The following PCDH15 variants were observed in gnomAD, a reference collection of about 807,000 sequenced individuals.
PCDH15 encodes protocadherin related 15, also known as protocadherin-15.
Under a neutral mutation model 178.5 loss-of-function variants are expected in PCDH15, and 129 were observed. The ratio of observed to expected loss-of-function variants is 0.72; its 90% confidence interval spans 0.63 to 0.84. The LOEUF (loss-of-function observed/expected upper bound fraction) is 0.84. Among genes scored for constraint, PCDH15 ranks in the 40% least tolerant of loss-of-function variants. PCDH15 has a pLI of 0.00. For synonymous variants in PCDH15, 800 were observed against 732.0 expected, an observed-to-expected ratio of 1.09 and a Z score of -1.50; for missense variants, 2,230 against 2,099.9, an observed-to-expected ratio of 1.06 and a Z score of -1.21.
At chr10:54,603,018 T>G (rs752717050) in intron 2 of PCDH15, among the ~76,000 whole-genome samples, 14 of 152,142 alleles carry the variant, frequency 9.2e-5, no homozygotes, top group Non-Finnish European at 2.1e-4. Flanking sequence ...TCAAATAGTT[T>G]AAGAAATATT....
At chr10:54,714,164 T>C (rs1424817320) in intron 1 of PCDH15, among the ~76,000 whole-genome samples, 1 of 152,136 alleles carries the variant, frequency 6.6e-6, no homozygotes, top group South Asian at 2.1e-4. Flanking sequence ...CAGACTAAAG[T>C]GGGACACTGA....
At chr10:55,341,813 T>A (rs1311358588) in intron 2 of PCDH15, among the ~76,000 whole-genome samples, 37 of 24,756 alleles carry the variant, frequency 1.5e-3, no homozygotes, top group South Asian at 2.3e-3. Context: ...ATATTTTTTT[T>A]TTTTTTTTTT....
chr10:55,125,946 G>A (rs1591922176), intron 2 of PCDH15, among the ~76,000 whole-genome samples: 2 of 152,056 alleles, frequency 1.3e-5, no homozygotes, highest in East Asian at 3.9e-4. Flanking sequence ...CTAATCAGCT[G>A]ACCCAAGTCT....
chr10:54,512,326 T>C (rs2081762204), intron 3 of PCDH15, among the ~76,000 whole-genome samples: 1 of 150,970 alleles, frequency 6.6e-6, no homozygotes, highest in Non-Finnish European at 1.5e-5. Context: ...AAAACTCTAT[T>C]GATTTTTGAA....
chr10:55,560,910 G>T (rs1842184510), intron 2 of PCDH15, among the ~76,000 whole-genome samples: 1 of 151,738 alleles, frequency 6.6e-6, no homozygotes, highest in African/African-American at 2.4e-5. Flanking sequence ...AGTAACTTTT[G>T]TTGCAAAAAT....
At chr10:54,569,557 G>T (rs1937420) in intron 2 of PCDH15, among the ~76,000 whole-genome samples, 1 of 152,086 alleles carries the variant, frequency 6.6e-6, no homozygotes, top group Non-Finnish European at 1.5e-5. Flanking sequence ...GGAAGTTGGT[G>T]TTGGGATAAG....
intron 20 of PCDH15, among the ~76,000 whole-genome samples, chr10:54,010,335 C>A (rs536600629): frequency 1.2e-3 from 178 of 152,170 alleles, no homozygotes; most frequent in African/African-American, 4.0e-3. Flanking sequence ...TCGGCAACCC[C>A]CGACCTGGGC....
At chr10:55,268,657 A>G (rs1842361980) in intron 1 of PCDH15, among the ~76,000 whole-genome samples, 1 of 152,186 alleles carries the variant, frequency 6.6e-6, no homozygotes, top group Non-Finnish European at 1.5e-5. Flanking sequence ...AATTTTTAAT[A>G]TAAAAAACTA....
intron 2 of PCDH15, among the ~76,000 whole-genome samples, chr10:55,113,660 T>C (rs1837563353): frequency 6.6e-6 from 1 of 152,184 alleles, no homozygotes; most frequent in African/African-American, 2.4e-5. Context: ...TATGCATGCT[T>C]AGAAATTCCA....
At chr10:54,238,190 T>C (rs2054826626) in intron 8 of PCDH15, among the ~76,000 whole-genome samples, 1 of 152,126 alleles carries the variant, frequency 6.6e-6, no homozygotes, top group Non-Finnish European at 1.5e-5. Flanking sequence ...CCTTACATTC[T>C]AAAAAATTAC....
chr10:54,853,356 T>TAC (rs1174675463), intron 3 of PCDH15, among the ~76,000 whole-genome samples: 5 of 128,502 alleles, frequency 3.9e-5, no homozygotes, highest in Non-Finnish European at 4.7e-5. Flanking sequence ...CATATATATA[T>TAC]ACACACACAC....
At chr10:55,383,396 G>T (rs1029428064) in intron 2 of PCDH15, among the ~76,000 whole-genome samples, 2 of 152,014 alleles carry the variant, frequency 1.3e-5, no homozygotes, top group African/African-American at 2.4e-5. Context: ...GGCGGGCTGG[G>T]GTGGTTTTGG....
chr10:55,368,847 C>G (rs1231221331), intron 2 of PCDH15, among the ~76,000 whole-genome samples: 1 of 151,826 alleles, frequency 6.6e-6, no homozygotes, highest in Non-Finnish European at 1.5e-5. Flanking sequence ...TATATGTAAG[C>G]AGAAAACTAC....
At chr10:55,252,823 A>C (rs532897662) in intron 1 of PCDH15, among the ~76,000 whole-genome samples, 33 of 152,272 alleles carry the variant, frequency 2.2e-4, no homozygotes, top group Non-Finnish European at 4.3e-4. Context: ...ACACACATTT[A>C]AACTAGAAGA....
At chr10:54,633,550 G>A (rs1378171983) in intron 2 of PCDH15, among the ~76,000 whole-genome samples, 1 of 152,062 alleles carries the variant, frequency 6.6e-6, no homozygotes, top group African/African-American at 2.4e-5. Flanking sequence ...TAGGTTCAAG[G>A]AGGAGACAGG....
upstream of PCDH15, among the ~76,000 whole-genome samples, chr10:54,804,069 T>C (rs984208494): frequency 7.2e-5 from 11 of 152,144 alleles, no homozygotes; most frequent in Non-Finnish European, 1.6e-4. Flanking sequence ...AGATGGAGTC[T>C]TGCTCTTTCG....
At chr10:54,557,523 T>C (rs1315846136) in intron 2 of PCDH15, among the ~76,000 whole-genome samples, 1 of 152,278 alleles carries the variant, frequency 6.6e-6, no homozygotes, top group African/African-American at 2.4e-5. Flanking sequence ...TAATTCTGAA[T>C]AGTTTTCTCC....
At chr10:55,426,289 G>T (rs973566426) in intron 2 of PCDH15, among the ~76,000 whole-genome samples, 5 of 152,136 alleles carry the variant, frequency 3.3e-5, no homozygotes, top group Non-Finnish European at 7.4e-5. Flanking sequence ...CTCGCAGGAG[G>T]GAGTGCCTGA....
intron 2 of PCDH15, among the ~76,000 whole-genome samples, chr10:55,419,208 C>T (rs748109023): frequency 6.6e-6 from 1 of 151,618 alleles, no homozygotes; most frequent in Non-Finnish European, 1.5e-5. Flanking sequence ...GCCAGTTTGA[C>T]GGAGCTGAAG....
Sources: gnomAD v4.1 joint callset for allele counts (sites outside exome capture counted in the v4.1 genomes callset) on GRCh38, gnomAD v4.1.1 for gene constraint, MANE v1.5 for transcripts, NCBI Gene and HGNC (gene_info 2026-07-23, HGNC 2026-07-21) for gene names.